Variants in CREB5 observed in about 807,000 individuals in gnomAD.
The protein encoded by CREB5 is cyclic AMP-responsive element-binding protein 5.
CREB5 carries 19 observed loss-of-function variants against 57.1 expected under a neutral mutation model. The ratio of observed to expected loss-of-function variants is 0.33; its 90% CI spans 0.23 to 0.49. The LOEUF (loss-of-function observed/expected upper bound fraction) is 0.49, where lower values mean the gene tolerates loss of function less well. Ranked by LOEUF, CREB5 falls within the 20% of genes least tolerant of loss-of-function variation. The pLI is 0.99. For synonymous variants in CREB5, 238 were observed against 238.3 expected (o/e 1.00, Z 0.01); for missense variants, 579 against 671.6 (o/e 0.86, Z 1.52).
rs761100378 is a variant in CREB5 at position 28,570,434 on chromosome 7, C to T, written c.361C>T (p.Arg121Trp). ...GPGTHQLSSA[R>W]LPNHDTNVVI... ...CGGAACTCACCAGCTTAGCAGCGCT[C>T]GGCTGCCCAACCATGACACCAACGT... Residue 121 changes from arginine to tryptophan, a missense_variant, in exon 5 of 11, where the codon CGG becomes TGG. By Grantham distance (101) the Arg-to-Trp change is moderately radical. This residue lies in a region of CREB5 where 459 missense variants were observed against 515.7 expected (regional missense o/e 0.89). Transcript: ENST00000357727. 10 of 1,614,182 alleles carry T rather than the reference C, an allele frequency of 6.2e-6. No homozygotes were observed. The highest frequency in any genetic ancestry group is 1.1e-5 in the South Asian group (1 of 91,078).
chr7:28,448,446 C>T (rs1789605586), intron 1 of CREB5, among the ~76,000 whole-genome samples: 1 of 152,132 alleles, frequency 6.6e-6, no homozygotes, highest in South Asian at 2.1e-4. Flanking sequence ...TCAGTTTGGC[C>T]CTGGCAAGAC....
At chr7:28,584,878 A>G (rs551050443) in intron 5 of CREB5, among the ~76,000 whole-genome samples, 3 of 152,272 alleles carry the variant, frequency 2.0e-5, no homozygotes, top group Non-Finnish European at 2.9e-5. Context: ...AAAAATAAAA[A>G]CAAGACTACT....
intron 1 of CREB5, among the ~76,000 whole-genome samples, chr7:28,432,702 C>T (rs187988889): frequency 3.7e-4 from 57 of 152,208 alleles, no homozygotes; most frequent in Admixed American, 1.1e-3. Context: ...GAACAAAAAT[C>T]GTGAAAAAAT....
At chr7:28,379,984 T>G (rs1786934922) in intron 1 of CREB5, among the ~76,000 whole-genome samples, 3 of 152,146 alleles carry the variant, frequency 2.0e-5, no homozygotes, top group Non-Finnish European at 2.9e-5. Context: ...CAAACTGGGC[T>G]CAGGTGATCC....
intron 1 of CREB5, among the ~76,000 whole-genome samples, chr7:28,347,848 C>T (rs148801580): frequency 1.2e-4 from 18 of 152,234 alleles, no homozygotes; most frequent in African/African-American, 3.9e-4. Context: ...TCGACTCTGT[C>T]CAAGAAAAGG....
intron 7 of CREB5, among the ~76,000 whole-genome samples, chr7:28,766,654 G>T (rs1270782002): frequency 6.6e-6 from 1 of 152,216 alleles, no homozygotes; most frequent in South Asian, 2.1e-4. Context: ...TGTCGACCCA[G>T]ATTGAAGACT....
intron 4 of CREB5, among the ~76,000 whole-genome samples, chr7:28,525,935 G>C (rs919172433): frequency 2.0e-5 from 3 of 152,182 alleles, no homozygotes; most frequent in Non-Finnish European, 2.9e-5. Context: ...ACTGTAGCTT[G>C]TATTCAGGGG....
chr7:28,422,034 A>G (rs1454194423), intron 1 of CREB5, among the ~76,000 whole-genome samples: 5 of 152,004 alleles, frequency 3.3e-5, no homozygotes. Context: ...ACACTGACCA[A>G]TGAGAAGTTG....
Position 28,560,719 on chromosome 7 carries a change from C to A in CREB5, c.292-9646C>A, listed in dbSNP as rs1203763065. Among the ~76,000 whole-genome samples, 5 of 152,044 alleles carry A rather than the reference C, an allele frequency of 3.3e-5. No individual in the cohort carries two copies. The East Asian group carries it at 9.7e-4, about 30-fold the overall frequency. ...TAGTGGTGGAGTTTGGATGAAAACA[C>A]AGACCTGCTGACCAGCCCTTTGCCC... On this transcript the variant is annotated intron_variant, in intron 4 of 10. Transcript: ENST00000357727.
intron 6 of CREB5, among the ~76,000 whole-genome samples, chr7:28,720,268 A>G (rs758705196): frequency 5.3e-5 from 8 of 152,208 alleles, no homozygotes; most frequent in Non-Finnish European, 1.2e-4. Context: ...CCTCCCCACA[A>G]CAATATTAAC....
intron 7 of CREB5, among the ~76,000 whole-genome samples, chr7:28,797,872 C>T (rs1255301830): frequency 6.6e-6 from 1 of 151,784 alleles, no homozygotes; most frequent in Non-Finnish European, 1.5e-5. Context: ...AGGCTTCATG[C>T]AGTGAAGGCT....
chr7:28,434,319 A>G (rs145992851), intron 1 of CREB5, among the ~76,000 whole-genome samples: 11 of 152,332 alleles, frequency 7.2e-5, no homozygotes, highest in African/African-American at 2.4e-4. Context: ...TAATTATCAT[A>G]ATGATTCGAT....
intron 4 of CREB5, among the ~76,000 whole-genome samples, chr7:28,561,019 TGTGTGC>T (rs1562798636): frequency 3.2e-5 from 1 of 31,354 alleles, no homozygotes; most frequent in African/African-American, 1.5e-4. Flanking sequence ...TGTGTGTGCG[TGTGTGC>T]GTGTGTGTGT....
At position 28,824,629 on chromosome 7, in the gene CREB5, C is replaced by G. The variant is rs184896881; in HGVS notation, c.*5350C>G. 4 of 152,684 alleles carry G rather than the reference C, an allele frequency of 2.6e-5. No individual in the cohort carries two copies. Among genetic ancestry groups the G allele is most frequent in the Admixed American group, 6.5e-5 (1 of 15,292 alleles). 9.5% of individuals were successfully genotyped at this position (152,684 alleles called of 1,614,324 possible). A position where few individuals can be genotyped will look rare whatever the true frequency, so the allele number is the denominator to read the frequency against. On this transcript the variant is annotated 3_prime_UTR_variant, in exon 11 of 11. Coordinates refer to ENST00000357727, the MANE Select transcript of CREB5 (RefSeq NM_182898.4). ...TTAAAAAACAAAAAACCTAGCTCAT[C>G]ATGTTGTGAAAATGAAAAAGTGAAT...
At chr7:28,740,831 AT>A (rs573302993) in intron 7 of CREB5, among the ~76,000 whole-genome samples, 39 of 152,172 alleles carry the variant, frequency 2.6e-4, no homozygotes, top group Middle Eastern at 3.4e-3. Flanking sequence ...AGGAAATTTT[AT>A]TTTTTTCATT....
At chr7:28,697,494 G>A (rs1006629981) in intron 5 of CREB5, among the ~76,000 whole-genome samples, 1 of 151,956 alleles carries the variant, frequency 6.6e-6, no homozygotes, top group Non-Finnish European at 1.5e-5. Context: ...ATCTCCTCCC[G>A]TAAGTCACCC....
At chr7:28,588,780 G>T (rs1796390717) in intron 5 of CREB5, among the ~76,000 whole-genome samples, 1 of 152,044 alleles carries the variant, frequency 6.6e-6, no homozygotes, top group African/African-American at 2.4e-5. Flanking sequence ...CCTTGCCCCT[G>T]CTGTATTTTC....
chr7:28,506,203 A>G (rs143159256), intron 3 of CREB5, among the ~76,000 whole-genome samples: 348 of 152,352 alleles, frequency 2.3e-3, no homozygotes, highest in African/African-American at 7.9e-3. Context: ...TTTCTGCTTC[A>G]TGGGTATTAA....
chr7:28,632,927 G>C (rs219022), intron 5 of CREB5, among the ~76,000 whole-genome samples: 100,930 of 152,016 alleles, frequency 0.66, 34,441 homozygotes, highest in African/African-American at 0.82. Flanking sequence ...ACCCTGAGTC[G>C]CTAGTTTGTA....
Sources: gnomAD v4.1 joint callset for allele counts (sites outside exome capture counted in the v4.1 genomes callset) on GRCh38, gnomAD v4.1.1 for gene constraint, gnomAD v4.1.1 regional missense constraint, MANE v1.5 for transcripts, NCBI Gene and HGNC (gene_info 2026-07-23, HGNC 2026-07-21) for gene names.